The following INVS variants were observed in gnomAD, a reference collection of about 807,000 sequenced individuals.
The protein encoded by INVS is inversion of embryo turning homolog.
Under a neutral mutation model 108.8 loss-of-function variants are expected in INVS, and 86 were observed. The ratio of observed to expected loss-of-function variants is 0.79; its 90% CI spans 0.66 to 0.95. The LOEUF (loss-of-function observed/expected upper bound fraction) is 0.95, where lower values mean the gene tolerates loss of function less well. Among genes scored for constraint, INVS ranks in the 40% least tolerant of loss-of-function variants. The pLI, the probability that INVS is intolerant of heterozygous loss-of-function variation, is 0.00. For synonymous variants in INVS, 455 were observed against 473.5 expected (o/e 0.96, Z 0.51); for missense variants, 1,169 against 1,297.4 (o/e 0.90, Z 1.52).
In INVS at chr9:100,126,539, C is replaced by T. The variant is rs1272399495; in HGVS notation, c.263C>T (p.Ala88Val). The change falls in exon 3 of 17, where the codon GCA becomes GTA. Residue 88 changes from alanine (A) to valine (V), a missense_variant. Physicochemically the swap from Ala to Val is moderately conservative, Grantham distance 64. Transcript: ENST00000262457. Reference sequence around the variant, plus strand: ...AGCCAGAGAACAGCCCTCCATCTTGCAGCCCAGAAGGTGAGAAGTAAAATT... The same window carrying T: ...AGCCAGAGAACAGCCCTCCATCTTGTAGCCCAGAAGGTGAGAAGTAAAATT... ...DHSQRTALHL[A>V]AQKGNYRFMK... 2 of 1,614,012 alleles carry T rather than the reference C, an allele frequency of 1.2e-6. No homozygotes were observed. Among genetic ancestry groups the T allele is most frequent in the Admixed American group, 3.3e-5 (2 of 60,002 alleles).
chr9:100,201,691 A>G (rs1830536624), intron 3 of INVS, among the ~76,000 whole-genome samples: 1 of 152,230 alleles, frequency 6.6e-6, no homozygotes, highest in Non-Finnish European at 1.5e-5. Flanking sequence ...AGCCAGAATT[A>G]CCTTGGAAGT....
chr9:100,165,715 A>G (rs912710703), intron 3 of INVS, among the ~76,000 whole-genome samples: 1 of 152,194 alleles, frequency 6.6e-6, no homozygotes, highest in Non-Finnish European at 1.5e-5. Flanking sequence ...TTAGTATTCA[A>G]ATTACTCTGT....
chr9:100,239,725 A>G (rs944886182), intron 5 of INVS, among the ~76,000 whole-genome samples: 1 of 152,154 alleles, frequency 6.6e-6, no homozygotes, highest in Non-Finnish European at 1.5e-5. Flanking sequence ...TAATCCCAGC[A>G]TTTTGGGAGG....
At chr9:100,210,187 G>C (rs558704117) in intron 3 of INVS, among the ~76,000 whole-genome samples, 9 of 152,252 alleles carry the variant, frequency 5.9e-5, no homozygotes, top group Admixed American at 1.3e-4. Flanking sequence ...GCAGTGAATA[G>C]CATTGCATAT....
At chr9:100,283,790 C>T (rs771919664) in intron 12 of INVS, among the ~76,000 whole-genome samples, 93 of 152,206 alleles carry the variant, frequency 6.1e-4, no homozygotes, top group Non-Finnish European at 1.0e-3. Context: ...GAGCTGTCAA[C>T]GGCAGCATCT....
intron 5 of INVS, among the ~76,000 whole-genome samples, chr9:100,235,793 C>G (rs998463203): frequency 1.6e-4 from 24 of 152,120 alleles, no homozygotes; most frequent in Non-Finnish European, 2.5e-4. Context: ...TCTGGCGCCC[C>G]TTAACATTTT....
chr9:100,282,523 T>C (rs1219073998), intron 12 of INVS, among the ~76,000 whole-genome samples: 1 of 152,164 alleles, frequency 6.6e-6, no homozygotes, highest in Non-Finnish European at 1.5e-5. Context: ...GACAAGGTTG[T>C]AAATCAAAAT....
rs1833531403 is a variant in INVS at position 100,288,955 on chromosome 9, G to A, written c.2069-3371G>A. 1.3e-5 allele frequency among the ~76,000 whole-genome samples: 2 copies of A among 148,970 alleles called. 1 individual carries two copies. Among genetic ancestry groups the A allele is most frequent in the South Asian group, 4.2e-4 (2 of 4,814 alleles). ...ATTTGATCTTTATGCTGAGGCCTAT[G>A]AGACTCTTTTGCTGGTTGGAAAGAA... On this transcript the variant is annotated intron_variant, in intron 13 of 16. Transcript: ENST00000262457.
rs754066009 is a variant in INVS, at chr9:100,302,140, A to AATAAG, written c.*1470_*1474dup. On this transcript the variant is annotated 3_prime_UTR_variant, in exon 17 of 17. Coordinates refer to ENST00000262457, the MANE Select transcript of INVS (RefSeq NM_014425.5). ...TCTATTACATCAGTCTTTTTCTTCA[A>AATAAG]ATAAGATAGATGTGAATAAACAACT... The AATAAG allele has an allele frequency of 5.3e-6, 6 of 1,125,776 alleles. No homozygotes were observed. The highest frequency in any genetic ancestry group is 4.7e-5 in the African/African-American group (3 of 63,972). 69.7% of individuals were successfully genotyped at this position (1,125,776 alleles called of 1,614,324 possible).
chr9:100,132,239 AT>A (rs1828076008), intron 3 of INVS, among the ~76,000 whole-genome samples: 1 of 151,616 alleles, frequency 6.6e-6, no homozygotes, highest in Non-Finnish European at 1.5e-5. Flanking sequence ...GAATGAATGA[AT>A]GAATGAATGA....
At position 100,301,435 on chromosome 9, in the gene INVS, G is replaced by A. The variant is rs1833967433; in HGVS notation, c.*761G>A. On this transcript the variant is annotated 3_prime_UTR_variant, in exon 17 of 17. Coordinates refer to ENST00000262457, the MANE Select transcript of INVS (RefSeq NM_014425.5). ...TCTGTCAGGTAGGGTTTACAGACCA[G>A]ACTGTTCATGCAGCAAGGTGCTAAC... 6.6e-6 allele frequency among the ~76,000 whole-genome samples: 1 copy of A among 152,188 alleles called. No individual in the cohort carries two copies. Among genetic ancestry groups the A allele is most frequent in the South Asian group, 2.1e-4 (1 of 4,830 alleles).
chr9:100,286,852 C>T (rs1390884528), intron 13 of INVS, among the ~76,000 whole-genome samples: 3 of 152,190 alleles, frequency 2.0e-5, no homozygotes, highest in Non-Finnish European at 4.4e-5. Flanking sequence ...CCTGCTATTG[C>T]TTCCATACTT....
chr9:100,240,008 A>G, intron 5 of INVS, 52 bp from the exon 6 acceptor site: 2 of 1,468,484 alleles, frequency 1.4e-6, no homozygotes, highest in Non-Finnish European at 1.9e-6. Context: ...CACCAAATGT[A>G]ATTTATTGAG....
intron 1 of INVS, among the ~76,000 whole-genome samples, chr9:100,100,186 A>G (rs948084606): frequency 2.0e-5 from 3 of 151,966 alleles, no homozygotes; most frequent in Non-Finnish European, 2.9e-5. Context: ...ACTTTTTTCT[A>G]TAAAAAATGA....
At chr9:100,100,521 C>G (rs1826793014) in intron 1 of INVS, among the ~76,000 whole-genome samples, 1 of 135,972 alleles carries the variant, frequency 7.4e-6, no homozygotes, top group African/African-American at 2.8e-5. Flanking sequence ...TGAGTACTGG[C>G]TATATACCTG....
chr9:100,199,751 G>A (rs999306530), intron 3 of INVS, among the ~76,000 whole-genome samples: 2 of 152,026 alleles, frequency 1.3e-5, no homozygotes, highest in Admixed American at 6.6e-5. Context: ...TTCTTTTTTA[G>A]CTTTGGTTTT....
intron 11 of INVS, among the ~76,000 whole-genome samples, chr9:100,268,482 C>A (rs1832857799): frequency 6.6e-5 from 10 of 152,082 alleles, no homozygotes; most frequent in Admixed American, 6.5e-4. Context: ...GCCCAGCAAG[C>A]CCCAGCCTCA....
intron 10 of INVS, among the ~76,000 whole-genome samples, chr9:100,256,095 T>G (rs139948042): frequency 0.013 from 2,028 of 152,324 alleles, 38 homozygotes; most frequent in African/African-American, 0.046. Flanking sequence ...TTTCGGAGCC[T>G]GTTATTGGTC....
intron 3 of INVS, among the ~76,000 whole-genome samples, chr9:100,133,798 C>CACACACACACACACACAT (rs1828130061): frequency 6.8e-6 from 1 of 148,038 alleles, no homozygotes; most frequent in Non-Finnish European, 1.5e-5. Context: ...CACACACACA[C>CACACACACACACACACAT]ACACACATAC....
Sources: allele counts gnomAD v4.1 joint callset (sites outside exome capture counted in the v4.1 genomes callset), GRCh38; gene constraint gnomAD v4.1.1; transcripts MANE v1.5; gene names NCBI Gene and HGNC (gene_info 2026-07-23, HGNC 2026-07-21).